The following WDPCP variants were observed in gnomAD, a reference collection of about 807,000 sequenced individuals.
WDPCP encodes WD repeat-containing and planar cell polarity effector protein fritz homolog.
In WDPCP, 71 loss-of-function variants were observed where a neutral mutation model predicts 93.1. The observed-to-expected ratio is 0.76, with a 90% CI of 0.63 to 0.93. The LOEUF (loss-of-function observed/expected upper bound fraction) is 0.93. Ranked by LOEUF, WDPCP falls within the 40% of genes least tolerant of loss-of-function variation. WDPCP has a pLI of 0.00. For synonymous variants in WDPCP, 315 were observed against 315.0 expected (o/e 1.00, Z 0.00); for missense variants, 844 against 887.4 (o/e 0.95, Z 0.62).
chr2:63,198,828 G>A (rs1675661977), intron 14 of WDPCP, among the ~76,000 whole-genome samples: 1 of 152,202 alleles, frequency 6.6e-6, no homozygotes, highest in Non-Finnish European at 1.5e-5. Flanking sequence ...AGCAACTTTG[G>A]AACTGGGTAG....
intron 14 of WDPCP, among the ~76,000 whole-genome samples, chr2:63,192,704 C>A (rs893855181): frequency 1.3e-5 from 2 of 152,174 alleles, no homozygotes; most frequent in Admixed American, 1.3e-4. Context: ...GAGAAGTGAG[C>A]TAAGAGAACT....
chr2:63,391,641 C>A (rs1015567115), intron 10 of WDPCP, among the ~76,000 whole-genome samples: 3 of 152,162 alleles, frequency 2.0e-5, no homozygotes, highest in Admixed American at 1.3e-4. Flanking sequence ...TAGAAAACCC[C>A]ATCATCTCAG....
chr2:63,768,617 C>A (rs1253877714), intron 2 of WDPCP, among the ~76,000 whole-genome samples: 3 of 151,992 alleles, frequency 2.0e-5, no homozygotes, highest in African/African-American at 7.2e-5. Flanking sequence ...AATGTACAGC[C>A]AGAGTTGTGA....
chr2:63,507,962 G>C (rs146218721), intron 1 of WDPCP, among the ~76,000 whole-genome samples: 372 of 152,298 alleles, frequency 2.4e-3, no homozygotes, highest in African/African-American at 7.9e-3. Flanking sequence ...CATTTGATTG[G>C]TGTACCTGAA....
At chr2:63,590,150 G>A (rs772932684), upstream of WDPCP, 5 of 152,064 alleles carry the variant, frequency 3.3e-5, no homozygotes, top group Non-Finnish European at 5.9e-5. Flanking sequence ...TTATGGTTTC[G>A]GTAGTTTCTG....
At chr2:63,287,365 C>T (rs1575064429) in intron 13 of WDPCP, among the ~76,000 whole-genome samples, 1 of 151,712 alleles carries the variant, frequency 6.6e-6, no homozygotes, top group South Asian at 2.1e-4. Context: ...CTAAAAATAC[C>T]TAGGGTTTAA....
intron 1 of WDPCP, among the ~76,000 whole-genome samples, chr2:63,581,595 T>C (rs1708499226): frequency 6.6e-6 from 1 of 152,218 alleles, no homozygotes; most frequent in African/African-American, 2.4e-5. Context: ...AGCTGAGCAA[T>C]ACTCAGATCC....
chr2:63,212,534 C>A (rs549667871), intron 14 of WDPCP, among the ~76,000 whole-genome samples: 1 of 152,110 alleles, frequency 6.6e-6, no homozygotes, highest in Non-Finnish European at 1.5e-5. Context: ...TAAAGACCAT[C>A]GATGCTAGGA....
At chr2:63,837,116 T>C in the WDPCP span, among the ~76,000 whole-genome samples, 3 of 152,218 alleles carry the variant, frequency 2.0e-5, no homozygotes, top group Non-Finnish European at 4.4e-5. Context: ...TCACAACTTG[T>C]TTCAGCAAAC....
intron 3 of WDPCP, chr2:63,643,655 C>A (rs751706242): frequency 2.2e-6 from 1 of 462,918 alleles, no homozygotes; most frequent in Non-Finnish European, 4.3e-6. Flanking sequence ...TTTGTACCCA[C>A]AAAGATTTTT....
intron 1 of WDPCP, among the ~76,000 whole-genome samples, chr2:63,814,871 G>A (rs893686718): frequency 2.0e-5 from 3 of 152,164 alleles, no homozygotes; most frequent in African/African-American, 7.2e-5. Flanking sequence ...AATAGGATAT[G>A]TTTGTCAACT....
intron 2 of WDPCP, chr2:63,684,559 C>T: frequency 1.4e-6 from 1 of 714,944 alleles, no homozygotes; most frequent in Non-Finnish European, 2.6e-6. Flanking sequence ...CCACAAGGTA[C>T]TCTGTGGATA....
intron 12 of WDPCP, among the ~76,000 whole-genome samples, chr2:63,359,342 T>G (rs1429817040): frequency 6.6e-6 from 1 of 152,160 alleles, no homozygotes; most frequent in East Asian, 1.9e-4. Flanking sequence ...AACAATTCAG[T>G]TAGAAAATAG....
intron 1 of WDPCP, among the ~76,000 whole-genome samples, chr2:63,587,262 C>A (rs1197764170): frequency 1.3e-5 from 2 of 152,064 alleles, no homozygotes; most frequent in Admixed American, 6.6e-5. Context: ...TTAGTATAGA[C>A]AGAGAATACA....
intron 1 of WDPCP, chr2:63,518,401 G>T (rs1405127702): frequency 1.3e-5 from 2 of 152,150 alleles, no homozygotes; most frequent in South Asian, 2.1e-4. Context: ...GAGACAGGGT[G>T]AGTTGAGCAG....
intron 1 of WDPCP, among the ~76,000 whole-genome samples, chr2:63,575,413 T>C (rs1460034417): frequency 1.7e-5 from 2 of 118,820 alleles, no homozygotes; most frequent in Admixed American, 7.7e-5. Flanking sequence ...ATATACAGTA[T>C]ATACACTGTA....
At chr2:63,506,315 C>T (rs1484680656) in intron 1 of WDPCP, among the ~76,000 whole-genome samples, 4 of 151,854 alleles carry the variant, frequency 2.6e-5, no homozygotes, top group South Asian at 2.1e-4. Flanking sequence ...GCAGCAAGAC[C>T]GGCTCCAAAT....
rs578257815 is a variant in WDPCP, at chr2:63,711,149, A to C, written n.309-60311T>G. Among the ~76,000 whole-genome samples, 57 of 152,334 alleles carry C rather than the reference A, an allele frequency of 3.7e-4. 1 individual carries two copies. Among genetic ancestry groups the C allele is most frequent in the African/African-American group, 1.3e-3 (54 of 41,576 alleles). On this transcript the variant is annotated intron_variant and non_coding_transcript_variant, in intron 2 of 4. Coordinates refer to the WDPCP transcript ENST00000467687. ...TTCTTTGGACCAAAGGAAAAAGTTT[A>C]TCTCTCCTGAGGCTGAAGTCAGGAT... is the stretch of plus-strand genomic sequence containing the variant.
At chr2:63,547,746 G>GAAAAAAAAAAAAAA (rs398060231) in intron 1 of WDPCP, among the ~76,000 whole-genome samples, 1 of 113,710 alleles carries the variant, frequency 8.8e-6, no homozygotes. Context: ...GGTAGAAAAA[G>GAAAAAAAAAAAAAA]AAAAAAAAAA....
Sources: gnomAD v4.1 joint callset for allele counts (sites outside exome capture counted in the v4.1 genomes callset) on GRCh38, gnomAD v4.1.1 for gene constraint, MANE v1.5 for transcripts, NCBI Gene and HGNC (gene_info 2026-07-23, HGNC 2026-07-21) for gene names.